Variants in TMEM132D observed in about 807,000 individuals in gnomAD.
The protein encoded by TMEM132D is transmembrane protein 132D, also known as mature OL transmembrane protein.
TMEM132D carries 21 observed loss-of-function variants against 62.3 expected under a neutral mutation model. The ratio of observed to expected loss-of-function variants is 0.34; its 90% CI spans 0.24 to 0.49. TMEM132D has a LOEUF of 0.49. Among genes scored for constraint, TMEM132D ranks in the 20% least tolerant of loss-of-function variants. TMEM132D has a pLI of 0.99. For missense variants in TMEM132D, 1,346 were observed against 1,402.8 expected (o/e 0.96, Z 0.65); for synonymous variants, 621 against 575.6 (o/e 1.08, Z -1.13).
intron 1 of TMEM132D, among the ~76,000 whole-genome samples, chr12:129,783,353 C>G (rs368928728): frequency 6.6e-6 from 1 of 152,116 alleles, no homozygotes; most frequent in Non-Finnish European, 1.5e-5. Flanking sequence ...TTCAGAGACA[C>G]GAATGGTCAA....
In TMEM132D at chr12:129,326,262, A is replaced by G. The variant is rs188540765; in HGVS notation, c.1299+11372T>C. ...TTTTTAGGGAACCCTTCATTCAAGG[A>G]GATAAAAGTTTATATCATAATTGGG... On this transcript the variant is annotated intron_variant, in intron 4 of 8. Transcript: ENST00000422113. Among the ~76,000 whole-genome samples the G allele has an allele frequency of 5.3e-5, 8 of 152,314 alleles. No homozygotes were observed. In the East Asian group the frequency reaches 1.5e-3, roughly 29 times the overall value.
chr12:129,075,770 G>A (rs1007251492), intron 8 of TMEM132D, among the ~76,000 whole-genome samples: 2 of 152,360 alleles, frequency 1.3e-5, no homozygotes, highest in Admixed American at 6.5e-5. Flanking sequence ...AGCAGCCAGA[G>A]CTTGTTTTCA....
intron 2 of TMEM132D, among the ~76,000 whole-genome samples, chr12:129,579,953 G>T (rs139697097): frequency 2.2e-4 from 34 of 152,292 alleles, no homozygotes; most frequent in African/African-American, 8.2e-4. Context: ...TGATCTCAGG[G>T]TGCAGGAGGG....
intron 5 of TMEM132D, among the ~76,000 whole-genome samples, chr12:129,092,345 T>C (rs1041801320): frequency 6.6e-6 from 1 of 150,476 alleles, no homozygotes; most frequent in African/African-American, 2.5e-5. Context: ...CTACAGTTGT[T>C]GAAATTCTGT....
At chr12:129,814,526 G>A (rs1402420187) in intron 1 of TMEM132D, among the ~76,000 whole-genome samples, 6 of 142,654 alleles carry the variant, frequency 4.2e-5, no homozygotes, top group Admixed American at 2.3e-4. Context: ...CAGGAGAATC[G>A]CTTGAACCCG....
intron 3 of TMEM132D, among the ~76,000 whole-genome samples, chr12:129,444,340 A>G (rs879649756): frequency 3.9e-5 from 6 of 152,360 alleles, no homozygotes; most frequent in African/African-American, 7.2e-5. Flanking sequence ...GGAATGGGGG[A>G]AAATTTTTGT....
chr12:129,163,730 G>A (rs558949820), intron 5 of TMEM132D, among the ~76,000 whole-genome samples: 5 of 152,164 alleles, frequency 3.3e-5, no homozygotes, highest in Admixed American at 1.3e-4. Flanking sequence ...ATGAATCCCT[G>A]GGTGCTTCCC....
intron 1 of TMEM132D, among the ~76,000 whole-genome samples, chr12:129,875,941 A>AACCAACATG (rs1451751620): frequency 6.6e-5 from 10 of 152,286 alleles, no homozygotes; most frequent in African/African-American, 2.4e-4. Context: ...GGAGATTTCC[A>AACCAACATG]ATTTAATCAA....
At chr12:129,749,261 G>A (rs561733396) in intron 1 of TMEM132D, among the ~76,000 whole-genome samples, 45 of 152,286 alleles carry the variant, frequency 3.0e-4, no homozygotes, top group African/African-American at 1.0e-3. Context: ...GGCAGAGCCA[G>A]AGCTCATAGC....
intron 3 of TMEM132D, among the ~76,000 whole-genome samples, chr12:129,511,159 G>C (rs1252067927): frequency 6.6e-6 from 1 of 152,112 alleles, no homozygotes; most frequent in Non-Finnish European, 1.5e-5. Flanking sequence ...AACCCACCAA[G>C]TTCTTTTGTG....
intron 5 of TMEM132D, chr12:129,109,633 G>A (rs754988748): frequency 7.3e-4 from 113 of 153,890 alleles, no homozygotes; most frequent in Non-Finnish European, 1.1e-3. Flanking sequence ...AATCTCACGA[G>A]ATCTGATGGG....
intron 3 of TMEM132D, among the ~76,000 whole-genome samples, chr12:129,494,366 G>T (rs1349958489): frequency 6.6e-6 from 1 of 152,140 alleles, no homozygotes; most frequent in Non-Finnish European, 1.5e-5. Context: ...TCTAAAACGT[G>T]CATTGCTTCT....
intron 1 of TMEM132D, among the ~76,000 whole-genome samples, chr12:129,767,934 C>T (rs1163164564): frequency 6.6e-6 from 1 of 152,174 alleles, no homozygotes; most frequent in Non-Finnish European, 1.5e-5. Flanking sequence ...AAAGGCACAT[C>T]TCACATGGCA....
intron 1 of TMEM132D, among the ~76,000 whole-genome samples, chr12:129,757,474 G>A (rs1205361180): frequency 1.3e-5 from 2 of 151,986 alleles, no homozygotes; most frequent in African/African-American, 4.8e-5. Context: ...TTCTGCCATC[G>A]AGCTCCAGAC....
chr12:129,124,030 C>G (rs1262616584), intron 5 of TMEM132D, among the ~76,000 whole-genome samples: 1 of 152,188 alleles, frequency 6.6e-6, no homozygotes, highest in Non-Finnish European at 1.5e-5. Context: ...TATAATAAAT[C>G]TCCCCATCTG....
At chr12:129,522,875 T>C (rs1337643669) in intron 3 of TMEM132D, 1 of 151,984 alleles carries the variant, frequency 6.6e-6, no homozygotes, top group African/African-American at 2.4e-5. Context: ...GACAAAGCTA[T>C]ACAGATTAGA....
chr12:129,712,575 G>A (rs763033966), intron 1 of TMEM132D, among the ~76,000 whole-genome samples: 15 of 152,194 alleles, frequency 9.9e-5, no homozygotes, highest in Non-Finnish European at 1.6e-4. Context: ...GCAGTGGAAC[G>A]GGGCCACGCA....
At chr12:129,296,494 T>C (rs930880833) in intron 4 of TMEM132D, among the ~76,000 whole-genome samples, 3 of 152,254 alleles carry the variant, frequency 2.0e-5, no homozygotes, top group Non-Finnish European at 4.4e-5. Flanking sequence ...TTTGCCTTTA[T>C]GCTCTTCCTG....
intron 1 of TMEM132D, among the ~76,000 whole-genome samples, chr12:129,727,490 G>A (rs1869078741): frequency 6.6e-6 from 1 of 152,130 alleles, no homozygotes; most frequent in African/African-American, 2.4e-5. Context: ...TCTTAATGCT[G>A]TCACAAAATT....
Sources: gnomAD v4.1 joint callset for allele counts (sites outside exome capture counted in the v4.1 genomes callset) on GRCh38, gnomAD v4.1.1 for gene constraint, MANE v1.5 for transcripts, NCBI Gene and HGNC (gene_info 2026-07-23, HGNC 2026-07-21) for gene names.